Variants in TRIT1 observed in about 807,000 individuals in gnomAD.
TRIT1 encodes the protein tRNA dimethylallyltransferase.
A neutral mutation model predicts 51.2 loss-of-function variants in TRIT1; 43 were observed. The observed-to-expected ratio is 0.84, with a 90% CI of 0.66 to 1.08. TRIT1 has a LOEUF of 1.08. TRIT1 is among the 50% of genes least tolerant of loss of function. The pLI is 0.00. For missense variants in TRIT1, 528 were observed against 578.4 expected (o/e 0.91, Z 0.89); for synonymous variants, 184 against 203.9 (o/e 0.90, Z 0.83).
intron 1 of TRIT1, chr1:39,881,592 G>A (rs1319524720): frequency 6.6e-6 from 1 of 151,170 alleles, no homozygotes; most frequent in African/African-American, 2.4e-5. Context: ...ACAGTAGTGA[G>A]AAAGGGCCAA....
At chr1:39,849,410 C>A (rs568815327) in intron 5 of TRIT1, among the ~76,000 whole-genome samples, 1 of 152,276 alleles carries the variant, frequency 6.6e-6, no homozygotes, top group Admixed American at 6.5e-5. Flanking sequence ...TCTTTCCAGG[C>A]CTATCATAGG....
intron 4 of TRIT1, 100 bp from the exon 5 acceptor site, chr1:39,850,361 A>G: frequency 6.9e-7 from 1 of 1,448,058 alleles, no homozygotes; most frequent in Non-Finnish European, 9.3e-7. Flanking sequence ...TTATTACAGA[A>G]AGCCTCTTTC....
intron 5 of TRIT1, among the ~76,000 whole-genome samples, chr1:39,848,472 TTA>T (rs1285697456): frequency 2.6e-5 from 4 of 151,638 alleles, no homozygotes; most frequent in Non-Finnish European, 4.4e-5. Context: ...TAGTGTTACT[TTA>T]TGTTTAAGAA....
intron 2 of TRIT1, among the ~76,000 whole-genome samples, chr1:39,856,270 C>T (rs139979664): frequency 5.3e-5 from 8 of 152,178 alleles, no homozygotes; most frequent in African/African-American, 1.7e-4. Flanking sequence ...CGCGCTATTG[C>T]ACTCTAGCCT....
chr1:39,866,097 G>A (rs1429417397), intron 1 of TRIT1, among the ~76,000 whole-genome samples: 1 of 7,518 alleles, frequency 1.3e-4, no homozygotes, highest in East Asian at 8.9e-4. Context: ...AAGAAGAAAG[G>A]AAGGAAGGAA....
At chr1:39,847,345 C>CTAG in intron 7 of TRIT1, 48 bp from the exon 8 acceptor site, 1 of 1,582,814 alleles carries the variant, frequency 6.3e-7, no homozygotes, top group Non-Finnish European at 8.7e-7. Context: ...CACTCCTTAC[C>CTAG]CTGCAGAGAG....
At chr1:39,861,866 G>A (rs1643263771) in intron 1 of TRIT1, among the ~76,000 whole-genome samples, 1 of 151,114 alleles carries the variant, frequency 6.6e-6, no homozygotes, top group Admixed American at 6.6e-5. Context: ...AGAGGTTGCA[G>A]TGAGCTGAGA....
In TRIT1 at chr1:39,841,753, G is replaced by A. The variant is rs981287489; in HGVS notation, c.1395C>T (p.Cys465=). ...SPGQNDQELK[C]SV is the part of the protein sequence containing the mutation. ...CCACTGGACATGTCTCTTAAACGCT[G>A]CATTTCAGCTCTTGATCATTCTGCC... The change falls in exon 11 of 11, where the codon TGC becomes TGT. Residue 465 remains cysteine, a synonymous_variant. Coordinates refer to ENST00000316891, the MANE Select transcript of TRIT1 (RefSeq NM_017646.6). The A allele has an allele frequency of 5.0e-6, 8 of 1,611,380 alleles. No individual in the cohort carries two copies. The highest frequency in any genetic ancestry group is 5.1e-6 in the Non-Finnish European group (6 of 1,179,186).
At position 39,841,602 on chromosome 1, in the gene TRIT1, A is replaced by G. The variant is rs958353221; in HGVS notation, c.*142T>C. The G allele has an allele frequency of 2.8e-5, 23 of 817,132 alleles. No individual in the cohort carries two copies. Among genetic ancestry groups the G allele is most frequent in the Non-Finnish European group, 4.0e-5 (22 of 543,734 alleles). 50.6% of individuals were successfully genotyped at this position (817,132 alleles called of 1,614,324 possible). A position where few individuals can be genotyped will look rare whatever the true frequency, so the allele number is the denominator to read the frequency against. On this transcript the variant is annotated 3_prime_UTR_variant, in exon 11 of 11. Coordinates refer to ENST00000316891, the MANE Select transcript of TRIT1 (RefSeq NM_017646.6). ...ATAGAGAACGTGAGACTTTAAAACC[A>G]CATCAAAAGAAAATGGTGGGAGCTT...
chr1:39,874,613 T>C (rs978044023), intron 1 of TRIT1, among the ~76,000 whole-genome samples: 3 of 152,076 alleles, frequency 2.0e-5, no homozygotes, highest in Non-Finnish European at 2.9e-5. Context: ...GGTTAAATTG[T>C]CTCTGTACTT....
intron 1 of TRIT1, among the ~76,000 whole-genome samples, chr1:39,876,528 G>GTATATATATATC (rs143110843): frequency 7.8e-6 from 1 of 127,546 alleles, no homozygotes; most frequent in Non-Finnish European, 1.6e-5. Context: ...ATTTATATGT[G>GTATATATATATC]TATCTATCTA....
chr1:39,863,452 C>G (rs1643360129), intron 1 of TRIT1, among the ~76,000 whole-genome samples: 1 of 152,040 alleles, frequency 6.6e-6, no homozygotes, highest in Admixed American at 6.6e-5. Context: ...AGAGCAAGAC[C>G]CTGTCTCTTA....
chr1:39,878,930 T>C (rs2124689003), intron 1 of TRIT1, among the ~76,000 whole-genome samples: 1 of 152,320 alleles, frequency 6.6e-6, no homozygotes, highest in African/African-American at 2.4e-5. Context: ...ATCTTTTTCC[T>C]GATCAAAATG....
chr1:39,853,352 T>TA (rs397932546), intron 3 of TRIT1, among the ~76,000 whole-genome samples: 13 of 152,056 alleles, frequency 8.5e-5, no homozygotes, highest in East Asian at 5.8e-4. Context: ...GGGTTTTTTT[T>TA]AATATAATTT....
rs188320511 is a variant in TRIT1, at chr1:39,883,501, G to C, written c.-10C>G. 1.9e-6 allele frequency: 3 copies of C among 1,587,248 alleles called. No individual in the cohort carries two copies. Among genetic ancestry groups the C allele is most frequent in the African/African-American group, 2.7e-5 (2 of 74,404 alleles). ...CCGCCACGGACGCCATCTTATGGCA[G>C]TCTGCGCTTGCGCCGGAGCAGCTGT... On this transcript the variant is annotated 5_prime_UTR_variant, in exon 1 of 11. Transcript: ENST00000316891.
At chr1:39,853,612 A>C (rs1642717818) in intron 3 of TRIT1, among the ~76,000 whole-genome samples, 1 of 152,086 alleles carries the variant, frequency 6.6e-6, no homozygotes, top group African/African-American at 2.4e-5. Context: ...GGGTTTCACC[A>C]TGTTGGCCAG....
At chr1:39,861,357 TAAAAAC>T (rs1643234225) in intron 1 of TRIT1, among the ~76,000 whole-genome samples, 1 of 151,880 alleles carries the variant, frequency 6.6e-6, no homozygotes, top group Admixed American at 6.6e-5. Context: ...CTCTAGAACT[TAAAAAC>T]AACAACAACA....
At chr1:39,874,038 A>G (rs1314479007) in intron 1 of TRIT1, among the ~76,000 whole-genome samples, 4 of 152,042 alleles carry the variant, frequency 2.6e-5, no homozygotes, top group African/African-American at 9.7e-5. Context: ...ATAAAAATAA[A>G]AATCTACAAC....
intron 1 of TRIT1, among the ~76,000 whole-genome samples, chr1:39,871,003 G>A (rs2124668037): frequency 6.6e-6 from 1 of 152,296 alleles, no homozygotes; most frequent in Non-Finnish European, 1.5e-5. Flanking sequence ...AGACCAGCCT[G>A]ACCAATATGG....
Sources: allele counts gnomAD v4.1 joint callset (sites outside exome capture counted in the v4.1 genomes callset), GRCh38; gene constraint gnomAD v4.1.1; transcripts MANE v1.5; gene names NCBI Gene and HGNC (gene_info 2026-07-23, HGNC 2026-07-21).